Variants in FER observed in about 807,000 individuals in gnomAD.
FER encodes the protein FER tyrosine kinase, also known as tyrosine-protein kinase Fer.
Under a neutral mutation model 111.0 loss-of-function variants are expected in FER, and 63 were observed. That is an observed-to-expected ratio of 0.57 (90% CI 0.46 to 0.70). The LOEUF (loss-of-function observed/expected upper bound fraction) is 0.70. Ranked by LOEUF, FER falls within the 30% of genes least tolerant of loss-of-function variation. The pLI is 0.00. For synonymous variants in FER, 327 were observed against 313.9 expected (o/e 1.04, Z -0.44); for missense variants, 914 against 954.0 (o/e 0.96, Z 0.55).
intron 13 of FER, among the ~76,000 whole-genome samples, chr5:109,031,958 A>G (rs1357356585): frequency 6.6e-6 from 1 of 152,226 alleles, no homozygotes; most frequent in Non-Finnish European, 1.5e-5. Context: ...AAGCAGTGCT[A>G]GCAATGCTTA....
At chr5:108,898,407 T>TCTCTCCTTTCCTTTCCACTC (rs1749467581) in intron 10 of FER, among the ~76,000 whole-genome samples, 1 of 151,976 alleles carries the variant, frequency 6.6e-6, no homozygotes, top group Non-Finnish European at 1.5e-5. Context: ...TCTTTCTTCT[T>TCTCTCCTTTCCTTTCCACTC]CTCTCCTTTC....
chr5:108,849,409 T>G (rs1762329208), intron 5 of FER, among the ~76,000 whole-genome samples: 1 of 152,152 alleles, frequency 6.6e-6, no homozygotes, highest in South Asian at 2.1e-4. Flanking sequence ...TAGTAATCTT[T>G]TCTTCTGCAA....
intron 2 of FER, among the ~76,000 whole-genome samples, chr5:108,772,387 A>T (rs747811680): frequency 8.9e-6 from 1 of 111,878 alleles, no homozygotes; most frequent in Non-Finnish European, 2.0e-5. Flanking sequence ...AGCAGGTTTC[A>T]TGTATTGCAT....
chr5:108,877,031 T>C (rs1274064314), intron 8 of FER, among the ~76,000 whole-genome samples: 4 of 152,218 alleles, frequency 2.6e-5, no homozygotes, highest in Admixed American at 1.3e-4. Context: ...AAATATTTGC[T>C]TTCTGTGCTT....
At chr5:109,112,324 G>T (rs935938256) in intron 17 of FER, among the ~76,000 whole-genome samples, 5 of 152,174 alleles carry the variant, frequency 3.3e-5, no homozygotes, top group African/African-American at 1.2e-4. Context: ...ATAGGTTGAA[G>T]AAGGTGCAAG....
chr5:108,802,439 G>A (rs1210763600), intron 3 of FER, among the ~76,000 whole-genome samples: 1 of 152,046 alleles, frequency 6.6e-6, no homozygotes, highest in East Asian at 1.9e-4. Flanking sequence ...GAGGTTTATG[G>A]TATGAATGAC....
At chr5:108,769,375 G>A (rs1245109668) in intron 2 of FER, among the ~76,000 whole-genome samples, 1 of 152,162 alleles carries the variant, frequency 6.6e-6, no homozygotes, top group Admixed American at 6.5e-5. Flanking sequence ...AAGGAGCTTG[G>A]TGAATTTGAG....
chr5:108,811,964 T>C (rs1757809622), intron 3 of FER, among the ~76,000 whole-genome samples: 1 of 152,212 alleles, frequency 6.6e-6, no homozygotes, highest in African/African-American at 2.4e-5. Flanking sequence ...ATTCAAATGC[T>C]AATCTCTTCT....
intron 5 of FER, among the ~76,000 whole-genome samples, chr5:108,864,599 A>AT (rs1763848816): frequency 6.6e-6 from 1 of 152,148 alleles, no homozygotes; most frequent in Admixed American, 6.5e-5. Context: ...TCCCAGCACC[A>AT]TTTATTAAAT....
At chr5:109,063,013 A>G (rs1157575249) in intron 16 of FER, among the ~76,000 whole-genome samples, 2 of 152,136 alleles carry the variant, frequency 1.3e-5, no homozygotes, top group East Asian at 1.9e-4. Flanking sequence ...GTAACATGAC[A>G]TTTTATTTAT....
At chr5:108,869,834 A>C (rs1449060667) in intron 6 of FER, among the ~76,000 whole-genome samples, 1 of 152,072 alleles carries the variant, frequency 6.6e-6, no homozygotes, top group Admixed American at 6.6e-5. Context: ...GAAAATAAAG[A>C]TAATTTGATA....
chr5:109,076,123 T>C (rs1776310221), intron 16 of FER, among the ~76,000 whole-genome samples: 1 of 152,104 alleles, frequency 6.6e-6, no homozygotes, highest in Non-Finnish European at 1.5e-5. Context: ...TGTAGCATTT[T>C]TATGGCTATT....
At chr5:108,893,544 A>G (rs1748528811) in intron 9 of FER, among the ~76,000 whole-genome samples, 2 of 152,118 alleles carry the variant, frequency 1.3e-5, no homozygotes, top group African/African-American at 2.4e-5. Context: ...TAATCTGGCC[A>G]AAATGTCTCT....
intron 17 of FER, among the ~76,000 whole-genome samples, chr5:109,134,941 T>G (rs1214612127): frequency 6.6e-6 from 1 of 152,208 alleles, no homozygotes; most frequent in Non-Finnish European, 1.5e-5. Context: ...CCCATGAGAT[T>G]GTGATCTTCG....
intron 16 of FER, among the ~76,000 whole-genome samples, chr5:109,067,044 G>A (rs1282138156): frequency 6.6e-6 from 1 of 152,180 alleles, no homozygotes; most frequent in Non-Finnish European, 1.5e-5. Context: ...AATAGCAAAT[G>A]CAAAAACCTG....
At chr5:108,944,761 T>G (rs1418858422) in intron 10 of FER, among the ~76,000 whole-genome samples, 1 of 151,586 alleles carries the variant, frequency 6.6e-6, no homozygotes, top group Non-Finnish European at 1.5e-5. Context: ...TATTTGCATT[T>G]TGATTGCTGC....
At chr5:108,867,068 G>C (rs979487157) in intron 5 of FER, among the ~76,000 whole-genome samples, 4 of 152,050 alleles carry the variant, frequency 2.6e-5, no homozygotes, top group Admixed American at 6.6e-5. Flanking sequence ...AAAACTTGCT[G>C]TCTGTAGACA....
chr5:109,025,658 T>TTGTA (rs1768614009), intron 13 of FER, among the ~76,000 whole-genome samples: 1 of 151,684 alleles, frequency 6.6e-6, no homozygotes, highest in Non-Finnish European at 1.5e-5. Context: ...CAACACTATG[T>TTGTA]TGAATAGGAG....
chr5:108,992,164 C>G (rs924919673), intron 13 of FER, among the ~76,000 whole-genome samples: 1 of 152,142 alleles, frequency 6.6e-6, no homozygotes. Flanking sequence ...GTGGACACAG[C>G]ACATGTTTCA....
Sources: allele counts gnomAD v4.1 joint callset (sites outside exome capture counted in the v4.1 genomes callset), GRCh38; gene constraint gnomAD v4.1.1; transcripts MANE v1.5; gene names NCBI Gene and HGNC (gene_info 2026-07-23, HGNC 2026-07-21).